The following OSTN variants were observed in gnomAD, a reference collection of about 807,000 sequenced individuals.
OSTN encodes the protein osteocrin.
OSTN carries 9 observed loss-of-function variants against 12.0 expected under a neutral mutation model. The ratio of observed to expected loss-of-function variants is 0.75; its 90% CI spans 0.45 to 1.30. OSTN has a LOEUF of 1.30. OSTN is among the 50% of genes most tolerant of loss of function. OSTN has a pLI of 0.00. For missense variants in OSTN, 148 were observed against 152.3 expected, an observed-to-expected ratio of 0.97 and a Z score of 0.15; for synonymous variants, 59 against 56.9, an observed-to-expected ratio of 1.04 and a Z score of -0.16.
At chr3:191,239,217 G>A (rs889146978) in intron 3 of OSTN, among the ~76,000 whole-genome samples, 2 of 152,216 alleles carry the variant, frequency 1.3e-5, no homozygotes, top group African/African-American at 2.4e-5. Context: ...GTGTGGGAGC[G>A]GGCCTGAGCA....
Position 191,237,583 on chromosome 3 carries a change from T to C in OSTN, c.318-12454T>C, listed in dbSNP as rs554597324. On this transcript the variant is annotated intron_variant, in intron 3 of 4. Transcript: ENST00000682035. Reference sequence around the variant, plus strand: ...TATATGCTGGCCTGCTTCCAGCACCTGGCATCCTTCTTTCAGTGGAATGCC... The same window carrying C: ...TATATGCTGGCCTGCTTCCAGCACCCGGCATCCTTCTTTCAGTGGAATGCC... Among the ~76,000 whole-genome samples the C allele has an allele frequency of 6.6e-5, 10 of 152,322 alleles. No individual in the cohort carries two copies. In the East Asian group the frequency reaches 1.7e-3, roughly 26 times the overall value.
chr3:191,203,974 G>A (rs1382617724), intron 1 of OSTN, among the ~76,000 whole-genome samples: 4 of 152,078 alleles, frequency 2.6e-5, no homozygotes, highest in African/African-American at 7.2e-5. Context: ...TGCAACCTCC[G>A]CCTCCTGGGT....
intron 3 of OSTN, among the ~76,000 whole-genome samples, chr3:191,232,073 G>A (rs1165396367): frequency 6.6e-6 from 1 of 151,986 alleles, no homozygotes; most frequent in Non-Finnish European, 1.5e-5. Context: ...GCTCATGCCT[G>A]TAATTCCAGC....
intron 2 of OSTN, among the ~76,000 whole-genome samples, chr3:191,214,436 CAAAAAA>C (rs71298518): frequency 9.8e-4 from 19 of 19,344 alleles, no homozygotes; most frequent in African/African-American, 2.2e-3. Flanking sequence ...GACTCCATCT[CAAAAAA>C]AAAAAAAAAA....
At chr3:191,200,323 T>C (rs1006220855) in intron 1 of OSTN, among the ~76,000 whole-genome samples, 1 of 152,140 alleles carries the variant, frequency 6.6e-6, no homozygotes, top group Non-Finnish European at 1.5e-5. Flanking sequence ...GTGTTTAAGG[T>C]TGACATTTGC....
intron 3 of OSTN, among the ~76,000 whole-genome samples, chr3:191,238,671 G>C (rs1346014530): frequency 2.6e-5 from 4 of 152,212 alleles, no homozygotes; most frequent in Non-Finnish European, 4.4e-5. Flanking sequence ...TCTTTCACAA[G>C]AGTGTGCCGC....
chr3:191,209,458 G>A (rs550733626), intron 1 of OSTN, among the ~76,000 whole-genome samples: 9 of 152,246 alleles, frequency 5.9e-5, no homozygotes, highest in East Asian at 3.9e-4. Context: ...TCAAGTTAGC[G>A]AAAAGAGAAC....
At chr3:191,238,899 G>C (rs1177879692) in intron 3 of OSTN, among the ~76,000 whole-genome samples, 1 of 152,138 alleles carries the variant, frequency 6.6e-6, no homozygotes, top group Non-Finnish European at 1.5e-5. Flanking sequence ...CCATATATAG[G>C]CTTTGCAAAG....
chr3:191,239,000 C>T (rs370950582), intron 3 of OSTN, among the ~76,000 whole-genome samples: 2 of 152,146 alleles, frequency 1.3e-5, no homozygotes, highest in Non-Finnish European at 2.9e-5. Context: ...AAGTTTCATT[C>T]GCTTCTCAAG....
intron 4 of OSTN, among the ~76,000 whole-genome samples, chr3:191,259,422 C>T (rs1021081364): frequency 1.3e-5 from 2 of 151,838 alleles, no homozygotes; most frequent in Admixed American, 1.3e-4. Flanking sequence ...AGGCTGGCCT[C>T]GAACTCGTGA....
At chr3:191,262,132 C>T (rs1404680069) in intron 4 of OSTN, among the ~76,000 whole-genome samples, 11 of 152,118 alleles carry the variant, frequency 7.2e-5, no homozygotes, top group Admixed American at 2.0e-4. Flanking sequence ...ACAGGAGAAT[C>T]GCTTGAACCC....
intron 4 of OSTN, among the ~76,000 whole-genome samples, chr3:191,255,182 T>C (rs1414124575): frequency 2.0e-5 from 3 of 152,076 alleles, no homozygotes; most frequent in Non-Finnish European, 4.4e-5. Context: ...CAGTTCACAA[T>C]AGGATTCGTG....
chr3:191,200,846 T>G (rs991026385), intron 1 of OSTN, among the ~76,000 whole-genome samples: 1 of 152,190 alleles, frequency 6.6e-6, no homozygotes, highest in African/African-American at 2.4e-5. Flanking sequence ...CAACTTTTGC[T>G]TAGATTCAAT....
chr3:191,231,099 G>A (rs1715043691), intron 3 of OSTN, among the ~76,000 whole-genome samples: 1 of 152,072 alleles, frequency 6.6e-6, no homozygotes, highest in South Asian at 2.1e-4. Flanking sequence ...TTTTTTGGCA[G>A]CATTTTTTTA....
At chr3:191,209,947 T>C (rs1002234022) in intron 1 of OSTN, among the ~76,000 whole-genome samples, 9 of 152,210 alleles carry the variant, frequency 5.9e-5, no homozygotes, top group Admixed American at 5.2e-4. Flanking sequence ...CTGTCAGTTT[T>C]ATGGCAGCTA....
intron 3 of OSTN, among the ~76,000 whole-genome samples, chr3:191,237,582 C>T (rs963782988): frequency 6.6e-6 from 1 of 152,232 alleles, no homozygotes; most frequent in African/African-American, 2.4e-5. Context: ...CTTCCAGCAC[C>T]TGGCATCCTT....
intron 4 of OSTN, among the ~76,000 whole-genome samples, chr3:191,251,336 C>T (rs1715556943): frequency 6.6e-6 from 1 of 152,104 alleles, no homozygotes; most frequent in Non-Finnish European, 1.5e-5. Context: ...GAAATCTTAG[C>T]AATATGTTTT....
At chr3:191,203,804 C>A (rs1714206824) in intron 1 of OSTN, among the ~76,000 whole-genome samples, 1 of 152,204 alleles carries the variant, frequency 6.6e-6, no homozygotes, top group Non-Finnish European at 1.5e-5. Flanking sequence ...CTTCTTCTAA[C>A]TGGCTTTGTG....
At chr3:191,220,117 T>G (rs893381819) in intron 3 of OSTN, among the ~76,000 whole-genome samples, 1 of 152,336 alleles carries the variant, frequency 6.6e-6, no homozygotes. Context: ...TTTGCCACCA[T>G]CTTTCTTAAT....
Sources: gnomAD v4.1 joint callset for allele counts (sites outside exome capture counted in the v4.1 genomes callset) on GRCh38, gnomAD v4.1.1 for gene constraint, MANE v1.5 for transcripts, NCBI Gene and HGNC (gene_info 2026-07-23, HGNC 2026-07-21) for gene names.